KIF5B: variants seen among roughly 807,000 people sequenced by gnomAD.
KIF5B encodes kinesin family member 5B, also known as kinesin-1 heavy chain.
In KIF5B, 49 loss-of-function variants were observed where a neutral mutation model predicts 132.8. That is an observed-to-expected ratio of 0.37 (90% CI 0.29 to 0.47). The LOEUF (loss-of-function observed/expected upper bound fraction) is 0.47, where lower values mean the gene tolerates loss of function less well. Among genes scored for constraint, KIF5B ranks in the 20% least tolerant of loss-of-function variants. The probability of loss-of-function intolerance (pLI) is 1.00; values close to 1 mark genes in which losing one functional copy is unlikely to be tolerated. For missense variants in KIF5B, 780 were observed against 1,144.0 expected (o/e 0.68, Z 4.59); for synonymous variants, 355 against 369.4 (o/e 0.96, Z 0.45).
chr10:32,012,555 T>C (rs1252613120), intron 25 of KIF5B, among the ~76,000 whole-genome samples: 1 of 152,210 alleles, frequency 6.6e-6, no homozygotes, highest in Non-Finnish European at 1.5e-5. Flanking sequence ...ACCACTATCT[T>C]TGGACCAGCA....
chr10:32,051,341 GATCCACC>G (rs1332377182), intron 1 of KIF5B, among the ~76,000 whole-genome samples: 1 of 152,158 alleles, frequency 6.6e-6, no homozygotes. Flanking sequence ...TTACAGGCGT[GATCCACC>G]ATGCCTGGCC....
At chr10:32,041,044 A>G (rs1841529671) in intron 2 of KIF5B, among the ~76,000 whole-genome samples, 1 of 150,862 alleles carries the variant, frequency 6.6e-6, no homozygotes, top group Admixed American at 6.6e-5. Flanking sequence ...TACTCGAAAG[A>G]CTAAGGCACA....
chr10:32,031,142 C>G lies in KIF5B; in HGVS notation c.1512G>C (p.Gln504His), dbSNP rs1841398041. 3 of 1,613,956 alleles carry G rather than the reference C, an allele frequency of 1.9e-6. No individual in the cohort carries two copies. Among genetic ancestry groups the G allele is most frequent in the Non-Finnish European group, 2.5e-6 (3 of 1,179,942 alleles). Residue 504 changes from glutamine (Q) to histidine (H), a missense_variant, in exon 14 of 26, where the codon CAG (glutamine) becomes CAC (histidine). By Grantham distance (24) the Gln-to-His change is conservative (BLOSUM62 0). Transcript: ENST00000302418. ...TTTTGTCTTCAACTTCCTGAGACTTCTGATCATAATTGACAGCAAGTTCTT... is the reference window on the plus strand; with the variant it reads ...TTTTGTCTTCAACTTCCTGAGACTTGTGATCATAATTGACAGCAAGTTCTT... ...ALEELAVNYD[Q>H]KSQEVEDKTK...
intron 1 of KIF5B, among the ~76,000 whole-genome samples, chr10:32,055,120 C>G (rs1841736383): frequency 6.6e-6 from 1 of 151,988 alleles, no homozygotes; most frequent in Non-Finnish European, 1.5e-5. Context: ...TTTCGGAGCA[C>G]TTATCTGACC....
In KIF5B at chr10:32,015,541, G is replaced by C. The variant is rs770970409; in HGVS notation, c.2880C>G (p.Gly960=). ...TATGTATAAACGATTACACTTGTTT[G>C]CCTCCTCCACCTCGCACTGCCACTG... ...SQPVAVRGGG[G]KQV The change falls in exon 25 of 26, where the codon GGC becomes GGG. Residue 960 remains glycine (G), a synonymous_variant. Transcript: ENST00000302418. The C allele has an allele frequency of 2.5e-6, 4 of 1,610,692 alleles. No homozygotes were observed. In the South Asian group the frequency reaches 4.4e-5, roughly 18 times the overall value.
rs1185648139 is a variant in KIF5B, at chr10:32,019,905, C to A, written c.2259G>T (p.Lys753Asn). Residue 753 changes from lysine to asparagine, a missense_variant, in exon 20 of 26, where the codon AAG becomes AAT. Around this residue, in one of 9 missense-constraint regions of KIF5B, gnomAD observed 471 missense variants for 569.9 expected, o/e 0.83. Transcript: ENST00000302418. Reference sequence around the variant, plus strand: ...TCTTTTCCTGATCTGTGGCTTTCAACTTCTCATGTTCTACTCTTAGACGTT... The same window carrying A: ...TCTTTTCCTGATCTGTGGCTTTCAAATTCTCATGTTCTACTCTTAGACGTT... ...EQERLRVEHE[K>N]LKATDQEKSR... 2 of 1,612,446 alleles carry A rather than the reference C, an allele frequency of 1.2e-6. No individual in the cohort carries two copies. The highest frequency in any genetic ancestry group is 1.7e-6 in the Non-Finnish European group (2 of 1,179,530).
chr10:32,028,556 T>C lies in KIF5B; in HGVS notation c.1597A>G (p.Ile533Val). 1 of 1,612,932 alleles carries C rather than the reference T, an allele frequency of 6.2e-7. No individual in the cohort carries two copies. Among genetic ancestry groups the C allele is most frequent in the South Asian group, 1.1e-5 (1 of 90,824 alleles). The change falls in exon 15 of 26, where the codon ATA becomes GTA. Residue 533 changes from isoleucine to valine, a missense_variant. Around this residue, in one of 9 missense-constraint regions of KIF5B, gnomAD observed 471 missense variants for 569.9 expected, o/e 0.83. Coordinates refer to ENST00000302418, the MANE Select transcript of KIF5B (RefSeq NM_004521.3). ...TTAAGTTTCTGAAGCTCAGCATCTA[T>C]ACTCGCTAAAGTTGCCTAAGAGAAC... The part of the protein sequence containing the change: ...LNQKSATLAS[I>V]DAELQKLKEM...
intron 15 of KIF5B, among the ~76,000 whole-genome samples, chr10:32,024,657 C>T (rs960952448): frequency 2.0e-4 from 30 of 151,646 alleles, no homozygotes; most frequent in South Asian, 6.3e-4. Flanking sequence ...CCCAGCTACT[C>T]GGGAGGCTGA....
chr10:32,055,125 C>G (rs1221647753), intron 1 of KIF5B, among the ~76,000 whole-genome samples: 1 of 152,042 alleles, frequency 6.6e-6, no homozygotes, highest in Non-Finnish European at 1.5e-5. Context: ...GAGCACTTAT[C>G]TGACCCAACC....
In KIF5B at chr10:32,009,164, A is replaced by G. The variant is rs1592432494; in HGVS notation, c.*2373T>C. On this transcript the variant is annotated 3_prime_UTR_variant, in exon 26 of 26. Coordinates refer to ENST00000302418, the MANE Select transcript of KIF5B (RefSeq NM_004521.3). ...ACCAACATATTCCACAGGTAGACTC[A>G]GACTCTCTTCTGTCACCTCATGTCA... is the stretch of plus-strand genomic sequence containing the variant. 6.6e-6 allele frequency: 1 copy of G among 152,356 alleles called. No homozygotes were observed. The highest frequency in any genetic ancestry group is 2.4e-5 in the African/African-American group (1 of 41,600). 9.4% of individuals were successfully genotyped at this position (152,356 alleles called of 1,614,324 possible).
At chr10:32,033,808 C>T (rs1375145902) in intron 12 of KIF5B, 37 bp downstream of exon 12, 1 of 1,422,496 alleles carries the variant, frequency 7.0e-7, no homozygotes, top group African/African-American at 1.4e-5. Flanking sequence ...TCAATAGTAT[C>T]CTAATATAAA....
At position 32,017,227 on chromosome 10, in the gene KIF5B, T is replaced by C. The variant is rs992235645; in HGVS notation, c.2677A>G (p.Lys893Glu). ...EAKENASRDRKRYQQEVDRIK... is the reference protein window; with the variant it reads ...EAKENASRDRERYQQEVDRIK... Reference sequence around the variant, plus strand: ...CGATCTACTTCTTGCTGATAGCGTTTGCGATCACGAGATGCATTTTCTTTA... The same window carrying C: ...CGATCTACTTCTTGCTGATAGCGTTCGCGATCACGAGATGCATTTTCTTTA... Residue 893 changes from lysine to glutamate, a missense_variant, in exon 24 of 26, where the codon AAA (lysine) becomes GAA (glutamate). Around this residue, in one of 9 missense-constraint regions of KIF5B, gnomAD observed 90 missense variants for 101.8 expected, o/e 0.88. Transcript: ENST00000302418. The C allele has an allele frequency of 6.2e-7, 1 of 1,614,242 alleles. No individual in the cohort carries two copies. The highest frequency in any genetic ancestry group is 8.5e-7 in the Non-Finnish European group (1 of 1,180,032).
intron 15 of KIF5B, among the ~76,000 whole-genome samples, chr10:32,025,734 C>T (rs865813034): frequency 7.9e-5 from 12 of 152,130 alleles, no homozygotes; most frequent in African/African-American, 2.9e-4. Flanking sequence ...AAAGTAACCA[C>T]ATAGGTGAAT....
At chr10:32,053,584 C>T (rs1005340512) in intron 1 of KIF5B, among the ~76,000 whole-genome samples, 5 of 151,824 alleles carry the variant, frequency 3.3e-5, no homozygotes, top group Non-Finnish European at 5.9e-5. Context: ...ATTAGCTGGG[C>T]GTGGTAGCGC....
At chr10:32,040,658 C>CACACACACCG in intron 2 of KIF5B, among the ~76,000 whole-genome samples, 1 of 95,288 alleles carries the variant, frequency 1.0e-5, no homozygotes, top group East Asian at 2.0e-4. Flanking sequence ...CACACACACA[C>CACACACACCG]CCTCTTCCTA....
chr10:32,022,287 G>A (rs767447057), intron 16 of KIF5B, 30 bp from the exon 17 acceptor site: 2 of 1,085,306 alleles, frequency 1.8e-6, no homozygotes, highest in Non-Finnish European at 2.8e-6. Context: ...GATATGAAGT[G>A]GAAAACATAT....
chr10:32,039,914 C>T (rs1431507035), intron 3 of KIF5B, among the ~76,000 whole-genome samples: 1 of 152,144 alleles, frequency 6.6e-6, no homozygotes, highest in Non-Finnish European at 1.5e-5. Flanking sequence ...CAGAAAATCA[C>T]AGGCTGTTTT....
chr10:32,021,074 T>C lies in KIF5B; in HGVS notation c.2152A>G (p.Ser718Gly). 1 of 1,613,732 alleles carries C rather than the reference T, an allele frequency of 6.2e-7. No individual in the cohort carries two copies. Among genetic ancestry groups the C allele is most frequent in the East Asian group, 2.2e-5 (1 of 44,838 alleles). ...HRETHQKQIS[S>G]LRDEVEAKAK... ...TTTGCTTCTACTTCATCTCTCAAAC[T>C]ACTGATCTGTTTTTGATGAGTTTCT... Residue 718 changes from serine to glycine, a missense_variant, in exon 19 of 26, where the codon AGT becomes GGT. Transcript: ENST00000302418.
At chr10:32,022,714 T>G (rs117273519) in intron 16 of KIF5B, 134 bp downstream of exon 16, 1 of 588,300 alleles carries the variant, frequency 1.7e-6, no homozygotes, top group Admixed American at 3.1e-5. Flanking sequence ...TCATTCAAAT[T>G]TACTGCAGCT....
Sources: gnomAD v4.1 joint callset for allele counts (sites outside exome capture counted in the v4.1 genomes callset) on GRCh38, gnomAD v4.1.1 for gene constraint, gnomAD v4.1.1 regional missense constraint, MANE v1.5 for transcripts, NCBI Gene and HGNC (gene_info 2026-07-23, HGNC 2026-07-21) for gene names.